Variants in SND1 observed in about 807,000 individuals in gnomAD.
The protein encoded by SND1 is staphylococcal nuclease domain-containing protein 1.
Under a neutral mutation model 121.7 loss-of-function variants are expected in SND1, and 38 were observed. The ratio of observed to expected loss-of-function variants is 0.31; its 90% confidence interval spans 0.24 to 0.41. The LOEUF is 0.41. Among genes scored for constraint, SND1 ranks in the 10% least tolerant of loss-of-function variants. The pLI, the probability that SND1 is intolerant of heterozygous loss-of-function variation, is 1.00. For synonymous variants in SND1, 401 were observed against 447.4 expected (o/e 0.90, Z 1.31); for missense variants, 868 against 1,184.6 (o/e 0.73, Z 3.92).
chr7:127,865,251 C>T (rs1419410146), intron 12 of SND1, among the ~76,000 whole-genome samples: 2 of 152,180 alleles, frequency 1.3e-5, no homozygotes, highest in African/African-American at 4.8e-5. Flanking sequence ...GGCCATGGCC[C>T]TTACTAAGTT....
chr7:128,053,218 T>A (rs1793076255), intron 16 of SND1, among the ~76,000 whole-genome samples: 1 of 152,232 alleles, frequency 6.6e-6, no homozygotes, highest in Non-Finnish European at 1.5e-5. Context: ...TGTCACCCCA[T>A]GTCTTGGCAG....
At chr7:127,783,001 A>G (rs1441490569) in intron 10 of SND1, among the ~76,000 whole-genome samples, 3 of 152,226 alleles carry the variant, frequency 2.0e-5, no homozygotes, top group African/African-American at 7.2e-5. Flanking sequence ...TCTTTAATTC[A>G]GCAAACATGC....
At chr7:127,934,424 G>T (rs1417907921) in intron 15 of SND1, among the ~76,000 whole-genome samples, 1 of 152,158 alleles carries the variant, frequency 6.6e-6, no homozygotes, top group East Asian at 1.9e-4. Flanking sequence ...AGCATGCTCA[G>T]ACTCGGGTTA....
intron 14 of SND1, 82 bp downstream of exon 14, chr7:127,904,901 T>C (rs1373219508): frequency 4.4e-6 from 4 of 915,084 alleles, no homozygotes; most frequent in South Asian, 1.3e-5. Context: ...CTTCAGCTTA[T>C]GTATTTTCTC....
At chr7:127,957,908 G>A (rs1801638140) in intron 15 of SND1, among the ~76,000 whole-genome samples, 2 of 152,060 alleles carry the variant, frequency 1.3e-5, no homozygotes, top group Non-Finnish European at 2.9e-5. Flanking sequence ...CACCATGTTG[G>A]CCAGGCTGGT....
intron 10 of SND1, among the ~76,000 whole-genome samples, chr7:127,800,838 G>A (rs1232036670): frequency 6.6e-6 from 1 of 152,022 alleles, no homozygotes; most frequent in East Asian, 1.9e-4. Flanking sequence ...TAACCATTGT[G>A]CATTTTTATT....
intron 16 of SND1, chr7:128,030,569 G>C: frequency 6.2e-7 from 1 of 1,609,984 alleles, no homozygotes; most frequent in South Asian, 1.1e-5. Flanking sequence ...CTTGCGCCGT[G>C]AGGTAGACGA....
intron 12 of SND1, among the ~76,000 whole-genome samples, chr7:127,864,317 C>T (rs1353484853): frequency 6.6e-6 from 1 of 151,500 alleles, no homozygotes; most frequent in Non-Finnish European, 1.5e-5. Context: ...AATCTGATGG[C>T]TTCTCACTTC....
intron 12 of SND1, among the ~76,000 whole-genome samples, chr7:127,854,126 CTGTTT>C (rs763363903): frequency 2.0e-5 from 3 of 151,876 alleles, no homozygotes; most frequent in Non-Finnish European, 2.9e-5. Context: ...GTTTTTTGTT[CTGTTT>C]TGTTTTGTTT....
intron 13 of SND1, among the ~76,000 whole-genome samples, chr7:127,899,228 A>G (rs1344823155): frequency 1.3e-5 from 2 of 152,102 alleles, no homozygotes; most frequent in East Asian, 1.9e-4. Context: ...TTTGAAAGTC[A>G]TATGTTGCAG....
chr7:127,962,125 T>C (rs2116871985), intron 15 of SND1, among the ~76,000 whole-genome samples: 1 of 152,334 alleles, frequency 6.6e-6, no homozygotes, highest in African/African-American at 2.4e-5. Context: ...AGAGTTCTAA[T>C]ATAAAGCTGA....
At chr7:127,940,785 C>G (rs959471199) in intron 15 of SND1, among the ~76,000 whole-genome samples, 37 of 152,196 alleles carry the variant, frequency 2.4e-4, no homozygotes, top group Admixed American at 2.4e-3. Context: ...TTGGGCCTGG[C>G]TCTTTGTGTG....
intron 16 of SND1, among the ~76,000 whole-genome samples, chr7:128,017,563 G>A (rs998942906): frequency 5.3e-5 from 8 of 152,162 alleles, no homozygotes; most frequent in African/African-American, 1.7e-4. Flanking sequence ...TCTCAGTTCC[G>A]AATGAAAAGC....
intron 22 of SND1, 116 bp from the exon 23 acceptor site, chr7:128,091,721 T>C: frequency 9.6e-7 from 1 of 1,044,438 alleles, no homozygotes. Context: ...AAGGCTCCAT[T>C]GGACAGGCTT....
chr7:127,802,762 T>C (rs998870079), intron 10 of SND1, among the ~76,000 whole-genome samples: 6 of 152,198 alleles, frequency 3.9e-5, no homozygotes, highest in African/African-American at 1.4e-4. Context: ...TGTCTCCTGA[T>C]CTTACCCTTC....
intron 12 of SND1, among the ~76,000 whole-genome samples, chr7:127,877,792 A>C (rs887337869): frequency 6.6e-6 from 1 of 151,938 alleles, no homozygotes; most frequent in African/African-American, 2.4e-5. Context: ...TCCCAAACTG[A>C]AGGGAGCTAT....
At chr7:127,825,722 A>G (rs185070130) in intron 11 of SND1, among the ~76,000 whole-genome samples, 7 of 152,300 alleles carry the variant, frequency 4.6e-5, no homozygotes, top group Admixed American at 4.6e-4. Flanking sequence ...TACCTGAACC[A>G]TGAATATCTT....
intron 10 of SND1, among the ~76,000 whole-genome samples, chr7:127,752,052 T>C (rs1382193591): frequency 1.3e-5 from 2 of 152,254 alleles, no homozygotes; most frequent in African/African-American, 4.8e-5. Context: ...TTGGCTGGGA[T>C]CCAGCTAAGC....
At chr7:127,764,736 A>G (rs567305122) in intron 10 of SND1, among the ~76,000 whole-genome samples, 1 of 152,342 alleles carries the variant, frequency 6.6e-6, no homozygotes, top group East Asian at 1.9e-4. Flanking sequence ...CTAACTTGGT[A>G]CCAAATAATG....
Sources: gnomAD v4.1 joint callset for allele counts (sites outside exome capture counted in the v4.1 genomes callset) on GRCh38, gnomAD v4.1.1 for gene constraint, MANE v1.5 for transcripts, NCBI Gene and HGNC (gene_info 2026-07-23, HGNC 2026-07-21) for gene names.